PDE3A: variants seen among roughly 807,000 people sequenced by gnomAD.
PDE3A encodes the protein cGMP-inhibited 3',5'-cyclic phosphodiesterase 3A.
In PDE3A, 43 loss-of-function variants were observed where a neutral mutation model predicts 98.3. The observed-to-expected ratio is 0.44, with a 90% CI of 0.34 to 0.56. The LOEUF (loss-of-function observed/expected upper bound fraction) is 0.56. Among genes scored for constraint, PDE3A ranks in the 20% least tolerant of loss-of-function variants. PDE3A has a pLI of 0.01. For synonymous variants in PDE3A, 663 were observed against 567.9 expected (o/e 1.17, Z -2.38); for missense variants, 1,427 against 1,440.7 (o/e 0.99, Z 0.15).
intron 1 of PDE3A, among the ~76,000 whole-genome samples, chr12:20,384,995 C>T (rs1565531897): frequency 1.3e-5 from 2 of 151,868 alleles, no homozygotes; most frequent in Admixed American, 6.6e-5. Flanking sequence ...TGAACATAAA[C>T]ATGCACGTAT....
chr12:20,526,928 GTGTGTT>G (rs199511400), intron 1 of PDE3A, among the ~76,000 whole-genome samples: 51 of 132,692 alleles, frequency 3.8e-4, no homozygotes, highest in South Asian at 1.2e-3. Flanking sequence ...GTGTGTGTGT[GTGTGTT>G]TGAGACCAAG....
chr12:20,631,700 A>ATTGT lies in PDE3A; in HGVS notation c.1760+1575_1760+1576insGTTT, dbSNP rs372930827. On this transcript the variant is annotated intron_variant, in intron 6 of 15. Transcript: ENST00000359062. ...CACGCAGCTTTTTTCATCATAGTGT[A>ATTGT]TTTTTTTTTTTTTTTTGTATTCTTA... is the stretch of plus-strand genomic sequence containing the variant. 4.3e-5 allele frequency among the ~76,000 whole-genome samples: 5 copies of ATTGT among 116,882 alleles called. No individual in the cohort carries two copies. The South Asian group carries it at 1.3e-3, about 31-fold the overall frequency. The allele number at this position is 116,882 out of a possible 152,430, so 76.7% of individuals were successfully genotyped here.
chr12:20,453,884 T>A (rs1945110895), intron 1 of PDE3A, among the ~76,000 whole-genome samples: 1 of 152,206 alleles, frequency 6.6e-6, no homozygotes, highest in Non-Finnish European at 1.5e-5. Context: ...CGGAATTATC[T>A]GTTGCCTGCT....
At chr12:20,664,069 C>A (rs1192637463) in intron 15 of PDE3A, among the ~76,000 whole-genome samples, 1 of 152,014 alleles carries the variant, frequency 6.6e-6, no homozygotes, top group African/African-American at 2.4e-5. Flanking sequence ...GGACTTTTCC[C>A]CCTTTGCTTG....
At chr12:20,509,301 G>A (rs1946174549) in intron 1 of PDE3A, among the ~76,000 whole-genome samples, 1 of 152,034 alleles carries the variant, frequency 6.6e-6, no homozygotes, top group Non-Finnish European at 1.5e-5. Context: ...CTTTTAAGGT[G>A]TCTAGTTTTA....
At chr12:20,399,713 TA>T (rs1227770649) in intron 1 of PDE3A, among the ~76,000 whole-genome samples, 1 of 152,208 alleles carries the variant, frequency 6.6e-6, no homozygotes, top group African/African-American at 2.4e-5. Context: ...AATGCTTTTT[TA>T]TTAGGCTCTT....
chr12:20,599,208 TTC>T (rs1404806431), intron 2 of PDE3A, among the ~76,000 whole-genome samples: 3 of 152,136 alleles, frequency 2.0e-5, no homozygotes, highest in Non-Finnish European at 2.9e-5. Flanking sequence ...CTTCCAGCTT[TTC>T]TGCTCTGCCC....
At chr12:20,568,656 G>A (rs1270903234) in intron 2 of PDE3A, among the ~76,000 whole-genome samples, 1 of 151,842 alleles carries the variant, frequency 6.6e-6, no homozygotes, top group Non-Finnish European at 1.5e-5. Context: ...AAGCTAGGTA[G>A]ATTTAATGAA....
intron 2 of PDE3A, among the ~76,000 whole-genome samples, chr12:20,605,520 A>ATG (rs1399552912): frequency 6.6e-6 from 1 of 151,500 alleles, no homozygotes; most frequent in Non-Finnish European, 1.5e-5. Flanking sequence ...GGGGGTGTGT[A>ATG]TGTGTGTGTG....
chr12:20,605,686 T>C (rs1213600437), intron 2 of PDE3A, among the ~76,000 whole-genome samples: 2 of 152,214 alleles, frequency 1.3e-5, no homozygotes, highest in Non-Finnish European at 2.9e-5. Context: ...GAAGTCATCA[T>C]AAAACTTAAG....
At chr12:20,464,766 T>G (rs1023559862) in intron 1 of PDE3A, among the ~76,000 whole-genome samples, 6 of 152,178 alleles carry the variant, frequency 3.9e-5, no homozygotes, top group Admixed American at 3.9e-4. Context: ...ATGAGACACA[T>G]GGATACAGAC....
At chr12:20,595,663 A>T (rs1408521599) in intron 2 of PDE3A, among the ~76,000 whole-genome samples, 2 of 152,170 alleles carry the variant, frequency 1.3e-5, no homozygotes, top group Admixed American at 1.3e-4. Flanking sequence ...TATTTGTTTG[A>T]AGTATTGAAA....
chr12:20,627,158 A>C (rs1335126593), intron 5 of PDE3A, among the ~76,000 whole-genome samples: 4 of 151,456 alleles, frequency 2.6e-5, no homozygotes, highest in African/African-American at 4.9e-5. Context: ...AAAAAAAAAA[A>C]AAAAAACTGT....
intron 12 of PDE3A, 43 bp from the exon 13 acceptor site, chr12:20,648,645 A>G (rs764288634): frequency 2.0e-5 from 25 of 1,239,880 alleles, no homozygotes; most frequent in Non-Finnish European, 3.0e-5. Flanking sequence ...TTTTGTGATT[A>G]TTTTCTTAAA....
At chr12:20,386,160 T>C (rs371403253) in intron 1 of PDE3A, among the ~76,000 whole-genome samples, 1 of 88,140 alleles carries the variant, frequency 1.1e-5, no homozygotes. Context: ...TATAAATATA[T>C]ATAAATATAT....
intron 1 of PDE3A, among the ~76,000 whole-genome samples, chr12:20,462,004 C>T (rs1945259265): frequency 6.6e-6 from 1 of 152,126 alleles, no homozygotes; most frequent in South Asian, 2.1e-4. Flanking sequence ...CACTTTCCTG[C>T]TGCATGTCTC....
chr12:20,506,115 T>TGG (rs1255851840), intron 1 of PDE3A, among the ~76,000 whole-genome samples: 11 of 151,508 alleles, frequency 7.3e-5, no homozygotes, highest in African/African-American at 2.7e-4. Context: ...TGTGTGTGTG[T>TGG]GTGTGTGTGT....
intron 13 of PDE3A, among the ~76,000 whole-genome samples, chr12:20,650,054 G>A (rs536708181): frequency 4.0e-4 from 61 of 152,066 alleles, no homozygotes; most frequent in African/African-American, 1.4e-3. Context: ...ATATTTATGG[G>A]TTACATTAAT....
chr12:20,386,174 A>ATATATAAAT (rs1943791559), intron 1 of PDE3A, among the ~76,000 whole-genome samples: 1 of 75,282 alleles, frequency 1.3e-5, no homozygotes, highest in African/African-American at 4.8e-5. Context: ...AATATATAAA[A>ATATATAAAT]ATATATATAA....
Sources: gnomAD v4.1 joint callset for allele counts (sites outside exome capture counted in the v4.1 genomes callset) on GRCh38, gnomAD v4.1.1 for gene constraint, MANE v1.5 for transcripts, NCBI Gene and HGNC (gene_info 2026-07-23, HGNC 2026-07-21) for gene names.